Variants in SPRYD4 observed in about 807,000 individuals in gnomAD.
SPRYD4 encodes SPRY domain containing 4.
A neutral mutation model predicts 16.6 loss-of-function variants in SPRYD4; 12 were observed. The observed-to-expected ratio is 0.72, with a 90% CI of 0.46 to 1.17. The LOEUF is 1.17. SPRYD4 is among the 50% of genes most tolerant of loss of function. The pLI, the probability that SPRYD4 is intolerant of heterozygous loss-of-function variation, is 0.00. For synonymous variants in SPRYD4, 98 were observed against 105.4 expected, an observed-to-expected ratio of 0.93 and a Z score of 0.43; for missense variants, 260 against 260.2, an observed-to-expected ratio of 1.00 and a Z score of 0.00.
chr12:56,471,942 C>T lies in SPRYD4; in HGVS notation c.*2365C>T. On this transcript the variant is annotated 3_prime_UTR_variant, in exon 2 of 2. Transcript: ENST00000338146. ...ACCAAGAGGGGAGGGGAAAAGGCCT[C>T]TTCCCATTTTGTACCCTGCAGCACT... is the stretch of plus-strand genomic sequence containing the variant. 1 of 1,351,134 alleles carries T rather than the reference C, an allele frequency of 7.4e-7. No homozygotes were observed. Among genetic ancestry groups the T allele is most frequent in the Non-Finnish European group, 1.1e-6 (1 of 945,532 alleles). 83.7% of individuals were successfully genotyped at this position (1,351,134 alleles called of 1,614,324 possible).
Position 56,473,247 on chromosome 12 carries a change from C to G in SPRYD4, c.*3670C>G. 1 of 1,614,080 alleles carries G rather than the reference C, an allele frequency of 6.2e-7. No individual in the cohort carries two copies. On this transcript the variant is annotated 3_prime_UTR_variant, in exon 2 of 2. Coordinates refer to ENST00000338146, the MANE Select transcript of SPRYD4 (RefSeq NM_207344.4). ...CCTTACCCGAATTTCTGCCCCTTCA[C>G]GCCGTGGGTCTAACTTCCGAGCACA...
chr12:56,475,214 A>T lies in SPRYD4; in HGVS notation c.*5637A>T, dbSNP rs1397193146. On this transcript the variant is annotated 3_prime_UTR_variant, in exon 2 of 2. Coordinates refer to ENST00000338146, the MANE Select transcript of SPRYD4 (RefSeq NM_207344.4). The stretch of plus-strand genomic sequence containing the variant: ...GAGACAGAACTACATCACACCACAA[A>T]CTAAATGAACCCCTTTATAACTTCT... 1 of 1,601,968 alleles carries T rather than the reference A, an allele frequency of 6.2e-7. No homozygotes were observed. The highest frequency in any genetic ancestry group is 1.7e-5 in the Admixed American group (1 of 59,812).
At chr12:56,468,845 A>T in intron 1 of SPRYD4, 169 bp downstream of exon 1, 1 of 1,024,688 alleles carries the variant, frequency 9.8e-7, no homozygotes, top group Non-Finnish European at 1.4e-6. Context: ...AAATTCCGGG[A>T]CTTACTCAAT....
rs1400598949 is a variant in SPRYD4 at position 56,471,664 on chromosome 12, A to G, written c.*2087A>G. 7.4e-6 allele frequency: 12 copies of G among 1,613,612 alleles called. No homozygotes were observed. The African/African-American group carries it at 1.5e-4, about 20-fold the overall frequency. On this transcript the variant is annotated 3_prime_UTR_variant, in exon 2 of 2. Transcript: ENST00000338146. ...CCCACCTGAGAGGAATAATGATATG[A>G]TCAGGCAAAGGAGACGTGGAGAGTG...
At chr12:56,469,012 T>C (rs1258591676) in intron 1 of SPRYD4, 27 bp from the exon 2 acceptor site, 1 of 1,535,766 alleles carries the variant, frequency 6.5e-7, no homozygotes, top group African/African-American at 1.4e-5. Context: ...CCCCTGTTAT[T>C]ATCCCGTCTT....
chr12:56,472,841 A>G lies in SPRYD4; in HGVS notation c.*3264A>G, dbSNP rs1343740764. On this transcript the variant is annotated 3_prime_UTR_variant, in exon 2 of 2. Coordinates refer to ENST00000338146, the MANE Select transcript of SPRYD4 (RefSeq NM_207344.4). Reference sequence around the variant, plus strand: ...CCCTCCTCCATGGATGCTTAGTCCAAGGGTATTGCTGAAGTGTTATGGAAT... The same window carrying G: ...CCCTCCTCCATGGATGCTTAGTCCAGGGGTATTGCTGAAGTGTTATGGAAT... 2.0e-6 allele frequency: 2 copies of G among 1,016,950 alleles called. No homozygotes were observed. Among genetic ancestry groups the G allele is most frequent in the African/African-American group, 1.6e-5 (1 of 62,746 alleles). The allele number at this position is 1,016,950 out of a possible 1,614,324, so 63.0% of individuals were successfully genotyped here. A position where few individuals can be genotyped will look rare whatever the true frequency, so the allele number is the denominator to read the frequency against.
In SPRYD4 at chr12:56,477,542, G is replaced by T; in HGVS notation, c.*7965G>T. 1 of 1,016,826 alleles carries T rather than the reference G, an allele frequency of 9.8e-7. No homozygotes were observed. Among genetic ancestry groups the T allele is most frequent in the East Asian group, 2.4e-5 (1 of 41,380 alleles). The allele number at this position is 1,016,826 out of a possible 1,614,324, so 63.0% of individuals were successfully genotyped here. A position where few individuals can be genotyped will look rare whatever the true frequency, so the allele number is the denominator to read the frequency against. On this transcript the variant is annotated 3_prime_UTR_variant, in exon 2 of 2. Coordinates refer to ENST00000338146, the MANE Select transcript of SPRYD4 (RefSeq NM_207344.4). Reference sequence around the variant, plus strand: ...TGCTGTGCCTCATGTGCCTTCTGGGGACCCTCAAAGGAATCAGAGCCCCAC... The same window carrying T: ...TGCTGTGCCTCATGTGCCTTCTGGGTACCCTCAAAGGAATCAGAGCCCCAC...
In SPRYD4 at chr12:56,472,466, C is replaced by G; in HGVS notation, c.*2889C>G. On this transcript the variant is annotated 3_prime_UTR_variant, in exon 2 of 2. Coordinates refer to ENST00000338146, the MANE Select transcript of SPRYD4 (RefSeq NM_207344.4). Reference sequence around the variant, plus strand: ...GGCAGGGTACCTACTTCCTAGGACACTGCTCTTAACACTCAATAACAATGG... The same window carrying G: ...GGCAGGGTACCTACTTCCTAGGACAGTGCTCTTAACACTCAATAACAATGG... The G allele has an allele frequency of 1.7e-6, 1 of 605,016 alleles. No homozygotes were observed. The highest frequency in any genetic ancestry group is 2.0e-5 in the South Asian group (1 of 49,264). The allele number at this position is 605,016 out of a possible 1,614,324, so 37.5% of individuals were successfully genotyped here. A position where few individuals can be genotyped will look rare whatever the true frequency, so the allele number is the denominator to read the frequency against.
Position 56,475,021 on chromosome 12 carries a change from C to G in SPRYD4, c.*5444C>G, listed in dbSNP as rs778336292. On this transcript the variant is annotated 3_prime_UTR_variant, in exon 2 of 2. Transcript: ENST00000338146. Reference sequence around the variant, plus strand: ...TAGCAGCAGAATTCCCAGGGACTTTCTCTTCCGGCCTCTTCTGGTTACCTT... The same window carrying G: ...TAGCAGCAGAATTCCCAGGGACTTTGTCTTCCGGCCTCTTCTGGTTACCTT... 1.9e-6 allele frequency: 3 copies of G among 1,613,942 alleles called. No homozygotes were observed. The highest frequency in any genetic ancestry group is 1.7e-6 in the Non-Finnish European group (2 of 1,180,046).
In SPRYD4 at chr12:56,471,544, A is replaced by C; in HGVS notation, c.*1967A>C. On this transcript the variant is annotated 3_prime_UTR_variant, in exon 2 of 2. Transcript: ENST00000338146. Reference sequence around the variant, plus strand: ...GGGCCTCAGCTGCTGCCTCAGCCTGAGTTTCAGAGAGTGTGTAGGAGTCCT... The same window carrying C: ...GGGCCTCAGCTGCTGCCTCAGCCTGCGTTTCAGAGAGTGTGTAGGAGTCCT... The C allele has an allele frequency of 1.2e-6, 2 of 1,614,108 alleles. No individual in the cohort carries two copies. Among genetic ancestry groups the C allele is most frequent in the South Asian group, 2.2e-5 (2 of 91,080 alleles).
rs1041538135 is a variant in SPRYD4 at position 56,472,058 on chromosome 12, T to G, written c.*2481T>G. On this transcript the variant is annotated 3_prime_UTR_variant, in exon 2 of 2. Transcript: ENST00000338146. ...GAGGGCACATATAATGAAGGTACTT[T>G]TGGTGAAAAAGAAAGGGTCTTATGA... The G allele has an allele frequency of 2.9e-5, 46 of 1,561,994 alleles. No homozygotes were observed. Among genetic ancestry groups the G allele is most frequent in the Non-Finnish European group, 4.0e-5 (45 of 1,136,550 alleles).
chr12:56,477,808 G>T lies in SPRYD4; in HGVS notation c.*8231G>T. 1 of 1,543,502 alleles carries T rather than the reference G, an allele frequency of 6.5e-7. No individual in the cohort carries two copies. Among genetic ancestry groups the T allele is most frequent in the Non-Finnish European group, 8.8e-7 (1 of 1,132,848 alleles). ...CTTTGTGGGTTAGACAAGAAAGACTGCTAGGGAGAAAGGCATGACAGGGCT... is the reference window on the plus strand; with the variant it reads ...CTTTGTGGGTTAGACAAGAAAGACTTCTAGGGAGAAAGGCATGACAGGGCT... On this transcript the variant is annotated 3_prime_UTR_variant, in exon 2 of 2. Transcript: ENST00000338146.
chr12:56,479,173 C>T lies in SPRYD4; in HGVS notation c.*9596C>T, dbSNP rs748862809. 1.8e-5 allele frequency: 29 copies of T among 1,613,434 alleles called. No homozygotes were observed. The highest frequency in any genetic ancestry group is 2.4e-5 in the Non-Finnish European group (28 of 1,179,954). Reference sequence around the variant, plus strand: ...CTGGGTCAGGAGCACAATGTTGCTGCTCACACACCTGGATCCCAGACACGA... The same window carrying T: ...CTGGGTCAGGAGCACAATGTTGCTGTTCACACACCTGGATCCCAGACACGA... On this transcript the variant is annotated 3_prime_UTR_variant, in exon 2 of 2. Transcript: ENST00000338146.
In SPRYD4 at chr12:56,471,767, C is replaced by T; in HGVS notation, c.*2190C>T. 1.9e-6 allele frequency: 3 copies of T among 1,614,092 alleles called. No individual in the cohort carries two copies. Among genetic ancestry groups the T allele is most frequent in the Non-Finnish European group, 2.5e-6 (3 of 1,179,994 alleles). ...CACCCTCCTCCACTTTTAGCCTATT[C>T]CTCACCTGTCCTTGGCAAAAGGATT... On this transcript the variant is annotated 3_prime_UTR_variant, in exon 2 of 2. Transcript: ENST00000338146.
rs539551301 is a variant in SPRYD4 at position 56,479,507 on chromosome 12, A to C, written c.*9930A>C. On this transcript the variant is annotated 3_prime_UTR_variant, in exon 2 of 2. Transcript: ENST00000338146. The stretch of plus-strand genomic sequence containing the variant: ...TTATATATATTCATGTATGTATGTC[A>C]GTACATAGGACATTATCTAGAAGAT... The C allele has an allele frequency of 8.9e-5, 36 of 403,072 alleles. No individual in the cohort carries two copies. The East Asian group carries it at 1.5e-3, about 17-fold the overall frequency. 25.0% of individuals were successfully genotyped at this position (403,072 alleles called of 1,614,324 possible).
chr12:56,472,836 G>C lies in SPRYD4; in HGVS notation c.*3259G>C. ...TGTGACCCTCCTCCATGGATGCTTAGTCCAAGGGTATTGCTGAAGTGTTAT... is the reference window on the plus strand; with the variant it reads ...TGTGACCCTCCTCCATGGATGCTTACTCCAAGGGTATTGCTGAAGTGTTAT... On this transcript the variant is annotated 3_prime_UTR_variant, in exon 2 of 2. Transcript: ENST00000338146. 9.7e-7 allele frequency: 1 copy of C among 1,034,510 alleles called. No individual in the cohort carries two copies. Among genetic ancestry groups the C allele is most frequent in the Non-Finnish European group, 1.5e-6 (1 of 659,530 alleles). The allele number at this position is 1,034,510 out of a possible 1,614,324, so 64.1% of individuals were successfully genotyped here. A position where few individuals can be genotyped will look rare whatever the true frequency, so the allele number is the denominator to read the frequency against.
chr12:56,468,850 C>G (rs949874218), intron 1 of SPRYD4, 174 bp downstream of exon 1: 13 of 1,030,160 alleles, frequency 1.3e-5, no homozygotes, highest in East Asian at 7.8e-5. Context: ...CCGGGACTTA[C>G]TCAATCCGAG....
rs991364110 is a variant in SPRYD4, at chr12:56,476,225, C to T, written c.*6648C>T. The T allele has an allele frequency of 2.8e-5, 13 of 467,296 alleles. No individual in the cohort carries two copies. Among genetic ancestry groups the T allele is most frequent in the East Asian group, 8.3e-5 (2 of 24,158 alleles). 28.9% of individuals were successfully genotyped at this position (467,296 alleles called of 1,614,324 possible). A position where few individuals can be genotyped will look rare whatever the true frequency, so the allele number is the denominator to read the frequency against. ...TCACCCAGGCTGGAGTGCAGTGGCA[C>T]GATCATGGCTCACTGCAGCTTTGAC... On this transcript the variant is annotated 3_prime_UTR_variant, in exon 2 of 2. Transcript: ENST00000338146.
Position 56,479,217 on chromosome 12 carries a change from G to C in SPRYD4, c.*9640G>C. 6.2e-7 allele frequency: 1 copy of C among 1,607,396 alleles called. No homozygotes were observed. Among genetic ancestry groups the C allele is most frequent in the Non-Finnish European group, 8.5e-7 (1 of 1,178,868 alleles). ...GACACGATTGGATTAGGGGGCTAGA[G>C]AAATGCAGCTGGGACTCACTCTGGA... is the stretch of plus-strand genomic sequence containing the variant. On this transcript the variant is annotated 3_prime_UTR_variant, in exon 2 of 2. Coordinates refer to ENST00000338146, the MANE Select transcript of SPRYD4 (RefSeq NM_207344.4).
Sources: gnomAD v4.1 joint callset for allele counts on GRCh38, gnomAD v4.1.1 for gene constraint, MANE v1.5 for transcripts, NCBI Gene and HGNC (gene_info 2026-07-23, HGNC 2026-07-21) for gene names.